The following NEDD4L variants were observed in gnomAD, a reference collection of about 807,000 sequenced individuals.
NEDD4L encodes the protein E3 ubiquitin-protein ligase NEDD4-like.
NEDD4L carries 54 observed loss-of-function variants against 148.9 expected under a neutral mutation model. The observed-to-expected ratio is 0.36, with a 90% CI of 0.29 to 0.45. The LOEUF (loss-of-function observed/expected upper bound fraction) is 0.45. Ranked by LOEUF, NEDD4L falls within the 20% of genes least tolerant of loss-of-function variation. NEDD4L has a pLI of 1.00. For synonymous variants in NEDD4L, 433 were observed against 440.7 expected (o/e 0.98, Z 0.22); for missense variants, 856 against 1,233.8 (o/e 0.69, Z 4.59).
chr18:58,084,852 G>A (rs999448014), intron 1 of NEDD4L, among the ~76,000 whole-genome samples: 6 of 151,962 alleles, frequency 3.9e-5, no homozygotes, highest in Admixed American at 3.9e-4. Context: ...GTGCCGCAAT[G>A]CCCAGCTAAG....
At chr18:58,283,328 G>A (rs1033165874) in intron 5 of NEDD4L, among the ~76,000 whole-genome samples, 4 of 152,070 alleles carry the variant, frequency 2.6e-5, no homozygotes, top group Admixed American at 1.3e-4. Context: ...CACCCGCCTC[G>A]GCCTCCCAAA....
chr18:58,287,766 C>G (rs1192870044), intron 5 of NEDD4L, among the ~76,000 whole-genome samples: 1 of 152,044 alleles, frequency 6.6e-6, no homozygotes, highest in Non-Finnish European at 1.5e-5. Flanking sequence ...TAATTCAGGT[C>G]ATTGTCCTTT....
chr18:58,081,028 A>G (rs977020709), intron 1 of NEDD4L, among the ~76,000 whole-genome samples: 1 of 152,058 alleles, frequency 6.6e-6, no homozygotes, highest in South Asian at 2.1e-4. Flanking sequence ...AAAGCCTCCT[A>G]TATGATAATG....
chr18:58,192,332 A>G (rs889397527), intron 2 of NEDD4L, among the ~76,000 whole-genome samples: 1 of 152,232 alleles, frequency 6.6e-6, no homozygotes, highest in South Asian at 2.1e-4. Context: ...GTTCTGAGGC[A>G]CTATTGACTG....
chr18:58,120,958 C>T (rs536222), intron 1 of NEDD4L, among the ~76,000 whole-genome samples: 19,393 of 151,000 alleles, frequency 0.13, 1,270 homozygotes, highest in South Asian at 0.24. Flanking sequence ...AAGATATGGA[C>T]TTAGGTAGGT....
intron 5 of NEDD4L, among the ~76,000 whole-genome samples, chr18:58,311,466 T>C (rs1290629139): frequency 6.6e-6 from 1 of 152,188 alleles, no homozygotes; most frequent in Non-Finnish European, 1.5e-5. Flanking sequence ...GGCTCCCAGC[T>C]GGGGGTCTTT....
intron 5 of NEDD4L, among the ~76,000 whole-genome samples, chr18:58,288,460 G>A (rs932740780): frequency 3.9e-5 from 6 of 152,174 alleles, no homozygotes; most frequent in African/African-American, 1.4e-4. Context: ...TGCAAGGTAG[G>A]CTGTAATATG....
chr18:58,046,623 T>A (rs2081597854), intron 1 of NEDD4L: 1 of 152,158 alleles, frequency 6.6e-6, no homozygotes, highest in African/African-American at 2.4e-5. Flanking sequence ...CTTGCCACTT[T>A]TGTCCACAGG....
intron 5 of NEDD4L, among the ~76,000 whole-genome samples, chr18:58,298,441 G>A (rs542933280): frequency 7.2e-5 from 11 of 152,158 alleles, no homozygotes; most frequent in South Asian, 4.1e-4. Flanking sequence ...TTGATTCACC[G>A]TATGACTTGG....
At chr18:58,234,821 C>T (rs1048413002) in intron 2 of NEDD4L, among the ~76,000 whole-genome samples, 1 of 152,134 alleles carries the variant, frequency 6.6e-6, no homozygotes, top group African/African-American at 2.4e-5. Context: ...TTTCCTGGTA[C>T]CCCTGGGAAT....
intron 24 of NEDD4L, among the ~76,000 whole-genome samples, chr18:58,378,746 A>G (rs958660396): frequency 7.9e-5 from 12 of 152,254 alleles, no homozygotes; most frequent in African/African-American, 2.9e-4. Flanking sequence ...CGTTTCCAAG[A>G]ATGGAGTCTG....
chr18:58,186,069 A>G (rs150225067), intron 2 of NEDD4L, among the ~76,000 whole-genome samples: 9 of 147,644 alleles, frequency 6.1e-5, no homozygotes, highest in African/African-American at 2.1e-4. Flanking sequence ...AGAAGGATAC[A>G]TATGCACACG....
chr18:58,360,558 G>A (rs931502392), intron 19 of NEDD4L, among the ~76,000 whole-genome samples: 2 of 151,958 alleles, frequency 1.3e-5, no homozygotes, highest in African/African-American at 4.8e-5. Flanking sequence ...TAGTTATTTT[G>A]TCCTGTTCTC....
chr18:58,044,801 C>T (rs747565510), intron 1 of NEDD4L, 93 bp downstream of exon 1: 17 of 1,474,306 alleles, frequency 1.2e-5, no homozygotes, highest in Admixed American at 6.5e-5. Context: ...CCGGGGTGCT[C>T]GTGCCCAGCG....
chr18:58,330,117 A>G (rs2059672522), intron 10 of NEDD4L, among the ~76,000 whole-genome samples: 1 of 152,236 alleles, frequency 6.6e-6, no homozygotes, highest in Admixed American at 6.5e-5. Context: ...CTATCTTACC[A>G]GCTCTGTTTA....
At chr18:58,283,140 A>G (rs1009162704) in intron 5 of NEDD4L, among the ~76,000 whole-genome samples, 5 of 152,008 alleles carry the variant, frequency 3.3e-5, no homozygotes, top group African/African-American at 7.3e-5. Flanking sequence ...CAGTGGTGCG[A>G]TCTCAGCTCA....
At chr18:58,276,657 T>G (rs2052067368) in intron 5 of NEDD4L, among the ~76,000 whole-genome samples, 1 of 150,090 alleles carries the variant, frequency 6.7e-6, no homozygotes, top group Admixed American at 6.6e-5. Context: ...AATGCTAATG[T>G]GTTTTACAAT....
chr18:58,122,958 C>G (rs929875811), intron 1 of NEDD4L, among the ~76,000 whole-genome samples: 1 of 152,166 alleles, frequency 6.6e-6, no homozygotes, highest in African/African-American at 2.4e-5. Flanking sequence ...GTCTCGAACT[C>G]CTGACCTCAA....
chr18:58,333,663 G>A (rs1686244065), intron 11 of NEDD4L, among the ~76,000 whole-genome samples, 155 bp from the exon 12 acceptor site: 2 of 152,280 alleles, frequency 1.3e-5, no homozygotes, highest in Non-Finnish European at 2.9e-5. Context: ...ACTTTTTCAA[G>A]GATGACTGTC....
Sources: gnomAD v4.1 joint callset for allele counts (sites outside exome capture counted in the v4.1 genomes callset) on GRCh38, gnomAD v4.1.1 for gene constraint, MANE v1.5 for transcripts, NCBI Gene and HGNC (gene_info 2026-07-23, HGNC 2026-07-21) for gene names.